Variants in CCDC150 observed in about 807,000 individuals in gnomAD.
The protein encoded by CCDC150 is coiled-coil domain-containing protein 150.
A neutral mutation model predicts 156.5 loss-of-function variants in CCDC150; 151 were observed. The ratio of observed to expected loss-of-function variants is 0.97; its 90% CI spans 0.85 to 1.10. The LOEUF (loss-of-function observed/expected upper bound fraction) is 1.10, where lower values mean the gene tolerates loss of function less well. CCDC150 is among the 50% of genes least tolerant of loss of function. The pLI is 0.00. For missense variants in CCDC150, 1,312 were observed against 1,268.1 expected (o/e 1.03, Z -0.53); for synonymous variants, 452 against 429.4 (o/e 1.05, Z -0.65).
chr2:196,711,250 A>G (rs1295136981), intron 15 of CCDC150, among the ~76,000 whole-genome samples: 1 of 152,216 alleles, frequency 6.6e-6, no homozygotes, highest in Non-Finnish European at 1.5e-5. Context: ...CCTAACACCC[A>G]GTACCCTCTT....
chr2:196,692,224 TC>T, intron 13 of CCDC150, among the ~76,000 whole-genome samples: 1 of 147,566 alleles, frequency 6.8e-6, no homozygotes. Flanking sequence ...AAGCTCCGCT[TC>T]CCGGGTTCAC....
At chr2:196,649,034 T>C (rs1692718332) in intron 2 of CCDC150, among the ~76,000 whole-genome samples, 1 of 152,224 alleles carries the variant, frequency 6.6e-6, no homozygotes, top group East Asian at 1.9e-4. Flanking sequence ...TCTTTATTAC[T>C]ATAGCTTTGT....
Position 196,666,770 on chromosome 2 carries a change from G to A in CCDC150, c.814G>A (p.Ala272Thr), listed in dbSNP as rs201583800. 3.5e-5 allele frequency: 56 copies of A among 1,612,584 alleles called. No homozygotes were observed. The African/African-American group carries it at 4.7e-4, about 13-fold the overall frequency. The part of the protein sequence containing the change: ...CIALRDSIQS[A>T]QELLAQEQKK... ...TGCTCTACGTGATTCTATACAGAGC[G>A]CTCAAGAACTACTGGCCCAGGAACA... is the stretch of plus-strand genomic sequence containing the variant. Residue 272 changes from alanine (A) to threonine (T), a missense_variant, in exon 7 of 28, where the codon GCT becomes ACT. Transcript: ENST00000389175.
chr2:196,698,800 G>A (rs1324212278), intron 14 of CCDC150, among the ~76,000 whole-genome samples: 4 of 152,186 alleles, frequency 2.6e-5, no homozygotes, highest in South Asian at 2.1e-4. Context: ...TTAACTCGTC[G>A]TTTAACATTA....
chr2:196,679,679 TAAC>T (rs985461699), intron 13 of CCDC150, among the ~76,000 whole-genome samples: 6 of 152,248 alleles, frequency 3.9e-5, no homozygotes, highest in African/African-American at 1.4e-4. Context: ...TTTAGCATAA[TAAC>T]AAACTGCTCA....
In CCDC150 at chr2:196,712,151, G is replaced by T; in HGVS notation, c.1702G>T (p.Val568Phe). The T allele has an allele frequency of 6.6e-7, 1 of 1,522,372 alleles. No individual in the cohort carries two copies. The highest frequency in any genetic ancestry group is 1.4e-5 in the African/African-American group (1 of 72,358). 94.3% of individuals were successfully genotyped at this position (1,522,372 alleles called of 1,614,324 possible). ...AYENGKLQIK[V>F]KQLEEQVQSF... is the part of the protein sequence containing the mutation. ...ATTTTTGTTTTTCCTCTAGATAAAA[G>T]TTAAACAGCTAGAAGAACAAGTACA... is the stretch of plus-strand genomic sequence containing the variant. The change falls in exon 16 of 28, where the codon GTT becomes TTT. Residue 568 changes from valine to phenylalanine, a missense_variant. Transcript: ENST00000389175.
At position 196,691,491 on chromosome 2, in the gene CCDC150, G is replaced by A. The variant is rs1410367268; in HGVS notation, c.1510-3555G>A. Among the ~76,000 whole-genome samples, 5 of 152,180 alleles carry A rather than the reference G, an allele frequency of 3.3e-5. No homozygotes were observed. In the East Asian group the frequency reaches 5.8e-4, roughly 18 times the overall value. On this transcript the variant is annotated intron_variant, in intron 13 of 27. Transcript: ENST00000389175. The stretch of plus-strand genomic sequence containing the variant: ...GTTTCTTCTATATTTTCTAGTTTAT[G>A]TACATAGAGGTGTTTTTAATATTCT...
At chr2:196,705,033 A>C (rs1696518020) in intron 15 of CCDC150, among the ~76,000 whole-genome samples, 1 of 152,198 alleles carries the variant, frequency 6.6e-6, no homozygotes, top group Admixed American at 6.5e-5. Context: ...GTGTCTTTAT[A>C]GTAGCATGAT....
chr2:196,725,977 CG>C lies in CCDC150; in HGVS notation c.2436del (p.Met813Ter). The C allele has an allele frequency of 1.3e-6, 2 of 1,593,936 alleles. No individual in the cohort carries two copies. Among genetic ancestry groups the C allele is most frequent in the Non-Finnish European group, 1.7e-6 (2 of 1,169,634 alleles). ...CACCTCTCTTCTTCAAAACAGAGAC[CG>C]GATGACTGAAGAGTCCAAAGTGGAA... is the stretch of plus-strand genomic sequence containing the variant. Reference protein sequence around the residue: ...ERQNLETFKDRMTEESKVEAE... With the variant: ...ERQNLETFKDXMTEESKVEAE... On this transcript the variant is annotated frameshift_variant, in exon 22 of 28. Coordinates refer to ENST00000389175, the MANE Select transcript of CCDC150 (RefSeq NM_001080539.2). LOFTEE classifies it high-confidence loss of function.
At chr2:196,701,338 A>C (rs1696193240) in intron 15 of CCDC150, among the ~76,000 whole-genome samples, 158 bp downstream of exon 15, 1 of 152,178 alleles carries the variant, frequency 6.6e-6, no homozygotes, top group Admixed American at 6.5e-5. Flanking sequence ...TAGCCAGGTG[A>C]CTTCTGTTTA....
rs1266680137 is a variant in CCDC150 at position 196,676,128 on chromosome 2, G to T, written c.1138-15G>T. On this transcript the variant is annotated splice_polypyrimidine_tract_variant and intron_variant, in intron 10 of 27. Transcript: ENST00000389175. ...TTGTGGAGCTTCAACTTCTAATATTGCTTTTAACACTCAGGTAGAGCAGAA... is the reference window on the plus strand; with the variant it reads ...TTGTGGAGCTTCAACTTCTAATATTTCTTTTAACACTCAGGTAGAGCAGAA... 1 of 1,612,632 alleles carries T rather than the reference G, an allele frequency of 6.2e-7. No homozygotes were observed. The highest frequency in any genetic ancestry group is 8.5e-7 in the Non-Finnish European group (1 of 1,179,132).
At chr2:196,685,572 G>T in intron 13 of CCDC150, among the ~76,000 whole-genome samples, 1 of 151,272 alleles carries the variant, frequency 6.6e-6, no homozygotes, top group Non-Finnish European at 1.5e-5. Flanking sequence ...GGATAGGTTT[G>T]CTGAATTTAG....
rs1466235738 is a variant in CCDC150 at position 196,719,502 on chromosome 2, A to G, written c.2001A>G (p.Gly667=). The change falls in exon 19 of 28, where the codon GGA becomes GGG. Residue 667 remains glycine (G), a synonymous_variant. Coordinates refer to ENST00000389175, the MANE Select transcript of CCDC150 (RefSeq NM_001080539.2). ...AVEDRENKKV[G]NFQRQLAEAK... is the part of the protein sequence containing the mutation. ...GTTGTTTCATTTTCTGTTAGGTGGGAAACTTTCAGCGACAATTGGCAGAAG... is the reference window on the plus strand; with the variant it reads ...GTTGTTTCATTTTCTGTTAGGTGGGGAACTTTCAGCGACAATTGGCAGAAG... 2 of 1,609,804 alleles carry G rather than the reference A, an allele frequency of 1.2e-6. No homozygotes were observed. Among genetic ancestry groups the G allele is most frequent in the Non-Finnish European group, 1.7e-6 (2 of 1,178,276 alleles).
chr2:196,701,793 G>A (rs1205110451), intron 15 of CCDC150, among the ~76,000 whole-genome samples: 1 of 152,200 alleles, frequency 6.6e-6, no homozygotes, highest in Non-Finnish European at 1.5e-5. Flanking sequence ...TAGGTTGATG[G>A]ATGGATAGAG....
intron 26 of CCDC150, among the ~76,000 whole-genome samples, chr2:196,731,749 C>T (rs1349415519): frequency 6.6e-6 from 1 of 151,998 alleles, no homozygotes; most frequent in African/African-American, 2.4e-5. Context: ...CATCTTTTAC[C>T]TTCATTCTTA....
chr2:196,640,859 GT>G (rs1692179834), intron 1 of CCDC150, among the ~76,000 whole-genome samples: 1 of 152,258 alleles, frequency 6.6e-6, no homozygotes, highest in Non-Finnish European at 1.5e-5. Flanking sequence ...AAATGATCCA[GT>G]TAAAAGGAAA....
chr2:196,647,034 G>A (rs1194057158), intron 2 of CCDC150, among the ~76,000 whole-genome samples: 1 of 152,206 alleles, frequency 6.6e-6, no homozygotes, highest in East Asian at 1.9e-4. Flanking sequence ...TGCAGAATCT[G>A]TGGGCTTAAG....
At position 196,695,115 on chromosome 2, in the gene CCDC150, A is replaced by G; in HGVS notation, c.1579A>G (p.Met527Val). ...EEENKHLADQ[M>V]ASLELQQVTS... ...AGAGAATAAGCACCTGGCAGATCAA[A>G]TGGCTTCCCTAGAACTTCAGCAAGT... Residue 527 changes from methionine (M) to valine (V), a missense_variant, in exon 14 of 28, where the codon ATG becomes GTG. Physicochemically the swap from Met to Val is conservative, Grantham distance 21 (BLOSUM62 1). Coordinates refer to ENST00000389175, the MANE Select transcript of CCDC150 (RefSeq NM_001080539.2). 5 of 1,612,880 alleles carry G rather than the reference A, an allele frequency of 3.1e-6. No homozygotes were observed. Among genetic ancestry groups the G allele is most frequent in the Non-Finnish European group, 2.5e-6 (3 of 1,178,970 alleles).
chr2:196,649,486 A>G (rs1692746457), intron 2 of CCDC150, among the ~76,000 whole-genome samples: 1 of 152,210 alleles, frequency 6.6e-6, no homozygotes, highest in Non-Finnish European at 1.5e-5. Context: ...AGTATGCAAT[A>G]TGGTAACATG....
Sources: gnomAD v4.1 joint callset for allele counts (sites outside exome capture counted in the v4.1 genomes callset) on GRCh38, gnomAD v4.1.1 for gene constraint, MANE v1.5 for transcripts, NCBI Gene and HGNC (gene_info 2026-07-23, HGNC 2026-07-21) for gene names.